The following GYG1 variants were observed in gnomAD, a reference collection of about 807,000 sequenced individuals.
The protein encoded by GYG1 is glycogenin-1.
A neutral mutation model predicts 41.9 loss-of-function variants in GYG1; 44 were observed. That is an observed-to-expected ratio of 1.05 (90% CI 0.83 to 1.35). The LOEUF (loss-of-function observed/expected upper bound fraction) is 1.35. Ranked by LOEUF, GYG1 falls within the 40% of genes most tolerant of loss-of-function variation. The pLI, the probability that GYG1 is intolerant of heterozygous loss-of-function variation, is 0.00. For synonymous variants in GYG1, 141 were observed against 158.1 expected, an observed-to-expected ratio of 0.89 and a Z score of 0.81; for missense variants, 429 against 418.9, an observed-to-expected ratio of 1.02 and a Z score of -0.21.
chr3:149,009,489 C>A, intron 5 of GYG1, 87 bp downstream of exon 5: 1 of 1,273,486 alleles, frequency 7.9e-7, no homozygotes, highest in Non-Finnish European at 1.1e-6. Context: ...ATTGTCATTC[C>A]GAGGGAAATA....
chr3:149,019,590 T>G (rs1487090265), intron 5 of GYG1, among the ~76,000 whole-genome samples: 3 of 152,232 alleles, frequency 2.0e-5, no homozygotes, highest in Non-Finnish European at 4.4e-5. Context: ...GAAAGGACTA[T>G]CCAGTGGATA....
At chr3:149,022,444 T>G (rs887962053) in intron 5 of GYG1, among the ~76,000 whole-genome samples, 2 of 151,460 alleles carry the variant, frequency 1.3e-5, no homozygotes, top group African/African-American at 4.9e-5. Flanking sequence ...ATCATGAAAT[T>G]TATATTGATT....
chr3:149,022,538 C>G (rs1714430662), intron 5 of GYG1, among the ~76,000 whole-genome samples: 1 of 76,982 alleles, frequency 1.3e-5, no homozygotes, highest in Non-Finnish European at 2.7e-5. Flanking sequence ...TCACTGTCAC[C>G]AGGCTGGAGT....
intron 4 of GYG1, among the ~76,000 whole-genome samples, chr3:149,007,387 T>C (rs1281478530): frequency 6.6e-6 from 1 of 152,252 alleles, no homozygotes; most frequent in Non-Finnish European, 1.5e-5. Context: ...TTAGAACTTA[T>C]AAGAGTGAAA....
chr3:149,018,214 T>G (rs939322278), intron 5 of GYG1, among the ~76,000 whole-genome samples: 3 of 152,180 alleles, frequency 2.0e-5, no homozygotes, highest in African/African-American at 7.2e-5. Flanking sequence ...AATAATTACT[T>G]GAAATTAATA....
rs1327639252 is a variant in GYG1 at position 149,030,723 on chromosome 3, A to G, written c.*3790A>G. ...TTATTCCACTATCATCCCTGCAGAA[A>G]GGTCTTGGTTTTGATGAAAATCAGC... On this transcript the variant is annotated 3_prime_UTR_variant, in exon 8 of 8. Coordinates refer to ENST00000345003, the MANE Select transcript of GYG1 (RefSeq NM_004130.4). The G allele has an allele frequency of 1.3e-5, 2 of 152,198 alleles. No homozygotes were observed. Among genetic ancestry groups the G allele is most frequent in the African/African-American group, 4.8e-5 (2 of 41,452 alleles). The allele number at this position is 152,198 out of a possible 1,614,324, so 9.4% of individuals were successfully genotyped here.
At position 149,026,945 on chromosome 3, in the gene GYG1, T is replaced by A. The variant is rs1400786610; in HGVS notation, c.*12T>A. On this transcript the variant is annotated 3_prime_UTR_variant, in exon 8 of 8. Coordinates refer to ENST00000345003, the MANE Select transcript of GYG1 (RefSeq NM_004130.4). Reference sequence around the variant, plus strand: ...CTTACCTCCAGTAGAAACACTGCATTTTTCTGTGAACACATCCACTTCACA... The same window carrying A: ...CTTACCTCCAGTAGAAACACTGCATATTTCTGTGAACACATCCACTTCACA... 1.2e-6 allele frequency: 2 copies of A among 1,613,394 alleles called. No homozygotes were observed. The highest frequency in any genetic ancestry group is 1.7e-6 in the Non-Finnish European group (2 of 1,179,376).
intron 5 of GYG1, among the ~76,000 whole-genome samples, chr3:149,021,339 A>G (rs1362595497): frequency 6.6e-6 from 1 of 152,188 alleles, no homozygotes; most frequent in East Asian, 1.9e-4. Context: ...TATCCTTTTA[A>G]GGATTAAATA....
rs766707977 is a variant in GYG1, at chr3:149,026,809, CT to C, written c.930del (p.Met311TrpfsTer60). 1 of 1,613,912 alleles carries C rather than the reference CT, an allele frequency of 6.2e-7. No homozygotes were observed. Among genetic ancestry groups the C allele is most frequent in the Admixed American group, 1.7e-5 (1 of 60,010 alleles). Reference protein sequence around the residue: ...ISHLSLGEIPAMAQPFVSSEE... With the variant: ...ISHLSLGEIPXMAQPFVSSEE... ...CATCTGTCCCTTGGGGAGATCCCAG[CT>C]ATGGCACAGCCGTTTGTATCCTCGG... is the stretch of plus-strand genomic sequence containing the variant. On this transcript the variant is annotated frameshift_variant, in exon 8 of 8. Coordinates refer to ENST00000345003, the MANE Select transcript of GYG1 (RefSeq NM_004130.4). LOFTEE classifies it high-confidence loss of function.
intron 4 of GYG1, among the ~76,000 whole-genome samples, chr3:149,007,460 G>A (rs61234614): frequency 0.014 from 2,201 of 152,296 alleles, 54 homozygotes; most frequent in African/African-American, 0.051. Flanking sequence ...TTTAAGGAGG[G>A]GTTTCCTCAA....
intron 4 of GYG1, chr3:149,001,448 A>C (rs1713092447): frequency 6.6e-6 from 1 of 152,242 alleles, no homozygotes; most frequent in Non-Finnish European, 1.5e-5. Flanking sequence ...TAACTTAGCC[A>C]CCTGTCTCCA....
Position 149,030,124 on chromosome 3 carries a change from A to G in GYG1, c.*3191A>G, listed in dbSNP as rs1714877255. 1 of 152,244 alleles carries G rather than the reference A, an allele frequency of 6.6e-6. No individual in the cohort carries two copies. The highest frequency in any genetic ancestry group is 1.5e-5 in the Non-Finnish European group (1 of 68,036). 9.4% of individuals were successfully genotyped at this position (152,244 alleles called of 1,614,324 possible). ...CAAAATTATGGCACCGAGGAAGGTA[A>G]TAAACATTTGAAATTTTTATTGATT... On this transcript the variant is annotated 3_prime_UTR_variant, in exon 8 of 8. Coordinates refer to ENST00000345003, the MANE Select transcript of GYG1 (RefSeq NM_004130.4).
intron 5 of GYG1, among the ~76,000 whole-genome samples, chr3:149,013,587 A>G (rs1456377271): frequency 1.3e-5 from 2 of 152,204 alleles, no homozygotes; most frequent in African/African-American, 4.8e-5. Flanking sequence ...GGCCTAGTAA[A>G]ATTAAATATT....
chr3:149,012,975 T>A (rs1406537111), intron 5 of GYG1, among the ~76,000 whole-genome samples: 1 of 148,652 alleles, frequency 6.7e-6, no homozygotes, highest in Non-Finnish European at 1.5e-5. Flanking sequence ...ACTACAGGCA[T>A]GTGCCACTAT....
At chr3:149,019,066 C>CT (rs1309614267) in intron 5 of GYG1, among the ~76,000 whole-genome samples, 6 of 102,344 alleles carry the variant, frequency 5.9e-5, no homozygotes, top group East Asian at 5.9e-4. Flanking sequence ...GAGACACTGT[C>CT]TTAAAAAAAA....
chr3:148,996,695 T>TC (rs1467348419), intron 3 of GYG1, 47 bp from the exon 4 acceptor site: 1 of 1,558,580 alleles, frequency 6.4e-7, no homozygotes, highest in Non-Finnish European at 8.9e-7. Context: ...AGAAGGGTAT[T>TC]CTGCAGCAAA....
chr3:149,028,216 C>T lies in GYG1; in HGVS notation c.*1283C>T, dbSNP rs747351897. Among the ~76,000 whole-genome samples, 3 of 152,028 alleles carry T rather than the reference C, an allele frequency of 2.0e-5. No individual in the cohort carries two copies. The highest frequency in any genetic ancestry group is 4.4e-5 in the Non-Finnish European group (3 of 68,022). On this transcript the variant is annotated 3_prime_UTR_variant, in exon 8 of 8. Coordinates refer to ENST00000345003, the MANE Select transcript of GYG1 (RefSeq NM_004130.4). ...TTTGTGACTTAGCCTTCAAAGTCAC[C>T]CTCCTTATTCATATTGATGTGAATT... is the stretch of plus-strand genomic sequence containing the variant.
intron 4 of GYG1, among the ~76,000 whole-genome samples, chr3:148,997,618 C>A (rs1319269185): frequency 6.6e-6 from 1 of 152,150 alleles, no homozygotes; most frequent in African/African-American, 2.4e-5. Flanking sequence ...TCTGAAATAA[C>A]AAGCCATGTT....
chr3:148,997,051 ATATTGTG>A lies in GYG1; in HGVS notation c.481+149_481+155del. On this transcript the variant is annotated intron_variant, in intron 4 of 7. Transcript: ENST00000345003. ...ATTTTAAGTTGTGCTCTTCTGGGAA[ATATTGTG>A]TGTGTGTGTGTGTGTGTGTGTGTGT... 4 of 633,680 alleles carry A rather than the reference ATATTGTG, an allele frequency of 6.3e-6. No individual in the cohort carries two copies. In the African/African-American group the frequency reaches 8.1e-5, roughly 13 times the overall value. The allele number at this position is 633,680 out of a possible 1,614,324, so 39.3% of individuals were successfully genotyped here. A position where few individuals can be genotyped will look rare whatever the true frequency, so the allele number is the denominator to read the frequency against.
Sources: gnomAD v4.1 joint callset for allele counts (sites outside exome capture counted in the v4.1 genomes callset) on GRCh38, gnomAD v4.1.1 for gene constraint, MANE v1.5 for transcripts, NCBI Gene and HGNC (gene_info 2026-07-23, HGNC 2026-07-21) for gene names.